ADD2: variants seen among roughly 807,000 people sequenced by gnomAD.
The protein encoded by ADD2 is adducin 2, also known as beta-adducin.
In ADD2, 23 loss-of-function variants were observed where a neutral mutation model predicts 83.0. The observed-to-expected ratio is 0.28, with a 90% CI of 0.20 to 0.39. ADD2 has a LOEUF of 0.39. Among genes scored for constraint, ADD2 ranks in the 10% least tolerant of loss-of-function variants. The pLI, the probability that ADD2 is intolerant of heterozygous loss-of-function variation, is 1.00. For synonymous variants in ADD2, 375 were observed against 375.4 expected, an observed-to-expected ratio of 1.00 and a Z score of 0.01; for missense variants, 758 against 944.9, an observed-to-expected ratio of 0.80 and a Z score of 2.59.
intron 1 of ADD2, among the ~76,000 whole-genome samples, chr2:70,766,818 T>G (rs549378776): frequency 3.9e-5 from 6 of 152,192 alleles, no homozygotes; most frequent in African/African-American, 7.2e-5. Flanking sequence ...TCTGAGTCAG[T>G]TGAATCTTAG....
chr2:70,690,231 G>C (rs1245446450), intron 8 of ADD2, among the ~76,000 whole-genome samples: 1 of 151,934 alleles, frequency 6.6e-6, no homozygotes, highest in African/African-American at 2.4e-5. Context: ...TGAGTAGCTG[G>C]GACCACAGGT....
At chr2:70,745,158 C>T (rs1553381776) in intron 1 of ADD2, among the ~76,000 whole-genome samples, 3 of 152,038 alleles carry the variant, frequency 2.0e-5, no homozygotes, top group African/African-American at 7.2e-5. Flanking sequence ...TGGTGGCGGG[C>T]GCCTGTAGTC....
At chr2:70,715,995 T>C (rs1672445868) in intron 1 of ADD2, among the ~76,000 whole-genome samples, 1 of 152,206 alleles carries the variant, frequency 6.6e-6, no homozygotes, top group Non-Finnish European at 1.5e-5. Flanking sequence ...AAAATCCATC[T>C]CTGTCTCTAG....
At chr2:70,685,719 A>G (rs547823731) in intron 9 of ADD2, among the ~76,000 whole-genome samples, 1 of 152,212 alleles carries the variant, frequency 6.6e-6, no homozygotes, top group Admixed American at 6.5e-5. Flanking sequence ...TGTTCTAATG[A>G]ATGAATTTTG....
chr2:70,747,906 C>T (rs559033062), intron 1 of ADD2, among the ~76,000 whole-genome samples: 3 of 152,268 alleles, frequency 2.0e-5, no homozygotes, highest in East Asian at 1.9e-4. Flanking sequence ...GGTCAACAAT[C>T]GAAATGGTAC....
intron 15 of ADD2, among the ~76,000 whole-genome samples, chr2:70,666,021 G>A (rs951870535): frequency 1.3e-5 from 2 of 152,050 alleles, no homozygotes; most frequent in Admixed American, 6.5e-5. Context: ...TCACCATGTT[G>A]GCCAGGATGG....
intron 4 of ADD2, among the ~76,000 whole-genome samples, chr2:70,700,516 TAC>T (rs1371954289): frequency 6.6e-6 from 1 of 152,086 alleles, no homozygotes; most frequent in African/African-American, 2.4e-5. Flanking sequence ...TAAAAATAAA[TAC>T]ATTTTATGCT....
At chr2:70,693,715 T>C (rs1553372127) in intron 6 of ADD2, among the ~76,000 whole-genome samples, 2 of 152,124 alleles carry the variant, frequency 1.3e-5, no homozygotes, top group African/African-American at 4.8e-5. Flanking sequence ...TGCCCTCTGG[T>C]TTCCCTCAGC....
At chr2:70,733,919 C>T (rs1368592309) in intron 1 of ADD2, among the ~76,000 whole-genome samples, 1 of 152,164 alleles carries the variant, frequency 6.6e-6, no homozygotes, top group Non-Finnish European at 1.5e-5. Context: ...CACAAAAGCC[C>T]ACCCCTAGCA....
intron 6 of ADD2, among the ~76,000 whole-genome samples, chr2:70,693,776 C>T (rs1395441855): frequency 6.6e-6 from 1 of 152,184 alleles, no homozygotes; most frequent in Non-Finnish European, 1.5e-5. Context: ...TTCCCTCTCT[C>T]AGATGATCTC....
At chr2:70,747,976 T>G (rs1428235618) in intron 1 of ADD2, among the ~76,000 whole-genome samples, 2 of 152,196 alleles carry the variant, frequency 1.3e-5, no homozygotes, top group Non-Finnish European at 2.9e-5. Flanking sequence ...TGACCTGCAC[T>G]TCCTTGAAAA....
In ADD2 at chr2:70,664,448, C is replaced by T. The variant is rs549769754; in HGVS notation, c.1871-713G>A. 2.6e-5 allele frequency among the ~76,000 whole-genome samples: 4 copies of T among 152,326 alleles called. No individual in the cohort carries two copies. In the East Asian group the frequency reaches 7.7e-4, roughly 29 times the overall value. ...ACCAAACCCTCCTGCCACCCTTTCTCCCCCTCCCCACTCTCACTCAACCTT... is the reference window on the plus strand; with the variant it reads ...ACCAAACCCTCCTGCCACCCTTTCTTCCCCTCCCCACTCTCACTCAACCTT... On this transcript the variant is annotated intron_variant, in intron 15 of 15. Coordinates refer to ENST00000264436, the MANE Select transcript of ADD2 (RefSeq NM_001617.4).
intron 15 of ADD2, among the ~76,000 whole-genome samples, chr2:70,667,378 A>G (rs1319198676): frequency 6.6e-6 from 1 of 152,034 alleles, no homozygotes; most frequent in Non-Finnish European, 1.5e-5. Context: ...ACAAAGGACT[A>G]AAAGGCTGCT....
At chr2:70,765,702 T>C (rs1309111220) in intron 1 of ADD2, among the ~76,000 whole-genome samples, 2 of 152,244 alleles carry the variant, frequency 1.3e-5, no homozygotes, top group African/African-American at 4.8e-5. Context: ...TTTTTGCTTA[T>C]GCTGCAAGAA....
rs782478494 is a variant in ADD2, at chr2:70,663,436, C to T, written c.2170G>A (p.Val724Met). 3.1e-6 allele frequency: 5 copies of T among 1,613,166 alleles called. No homozygotes were observed. Among genetic ancestry groups the T allele is most frequent in the Non-Finnish European group, 4.2e-6 (5 of 1,179,666 alleles). Reference protein sequence around the residue: ...FLKKSKKKEKVES With the variant: ...FLKKSKKKEKMES The stretch of plus-strand genomic sequence containing the variant: ...AAGGGTGTCATGAATCAGGACTCCA[C>T]TTTCTCCTTCTTTTTGCTCTTTTTC... Residue 724 changes from valine (V) to methionine (M), a missense_variant, in exon 16 of 16, where the codon GTG (valine) becomes ATG (methionine). Val to Met is a conservative substitution (Grantham distance 21). Transcript: ENST00000264436.
At chr2:70,749,803 G>A (rs1674415300) in intron 1 of ADD2, among the ~76,000 whole-genome samples, 2 of 152,224 alleles carry the variant, frequency 1.3e-5, no homozygotes, top group African/African-American at 4.8e-5. Flanking sequence ...AGAGCAGGCA[G>A]ACAGGAGCCT....
At position 70,660,862 on chromosome 2, in the gene ADD2, T is replaced by C. The variant is rs557293995; in HGVS notation, c.*2563A>G. 2 of 152,374 alleles carry C rather than the reference T, an allele frequency of 1.3e-5. No homozygotes were observed. The highest frequency in any genetic ancestry group is 4.8e-5 in the African/African-American group (2 of 41,588). 9.4% of individuals were successfully genotyped at this position (152,374 alleles called of 1,614,324 possible). A position where few individuals can be genotyped will look rare whatever the true frequency, so the allele number is the denominator to read the frequency against. ...TCTGGTCCCCAAGATAGTTAATTGA[T>C]GCTTTCTTATGCCACCTTGGTACCC... On this transcript the variant is annotated 3_prime_UTR_variant, in exon 16 of 16. Coordinates refer to ENST00000264436, the MANE Select transcript of ADD2 (RefSeq NM_001617.4).
intron 14 of ADD2, 93 bp from the exon 15 acceptor site, chr2:70,673,099 T>G: frequency 6.5e-7 from 1 of 1,542,044 alleles, no homozygotes; most frequent in Non-Finnish European, 8.8e-7. Context: ...TTTTTCTATT[T>G]GGTCATCAAT....
In ADD2 at chr2:70,678,697, C is replaced by T; in HGVS notation, c.1383+7G>A. 1 of 1,551,974 alleles carries T rather than the reference C, an allele frequency of 6.4e-7. No homozygotes were observed. The highest frequency in any genetic ancestry group is 8.7e-7 in the Non-Finnish European group (1 of 1,148,768). On this transcript the variant is annotated splice_region_variant and intron_variant, in intron 11 of 15. Coordinates refer to ENST00000264436, the MANE Select transcript of ADD2 (RefSeq NM_001617.4). The stretch of plus-strand genomic sequence containing the variant: ...TCTGCCCGGGTCTGTCCTGGGCTCC[C>T]CCTTACCGTGGTCTTGGGTCGGGGG...
Sources: gnomAD v4.1 joint callset for allele counts (sites outside exome capture counted in the v4.1 genomes callset) on GRCh38, gnomAD v4.1.1 for gene constraint, MANE v1.5 for transcripts, NCBI Gene and HGNC (gene_info 2026-07-23, HGNC 2026-07-21) for gene names.